The following CLSTN2 variants were observed in gnomAD, a reference collection of about 807,000 sequenced individuals.
CLSTN2 encodes calsyntenin-2.
A neutral mutation model predicts 101.2 loss-of-function variants in CLSTN2; 48 were observed. The ratio of observed to expected loss-of-function variants is 0.47; its 90% CI spans 0.38 to 0.60. The LOEUF is 0.60. Ranked by LOEUF, CLSTN2 falls within the 20% of genes least tolerant of loss-of-function variation. The pLI is 0.00. For synonymous variants in CLSTN2, 481 were observed against 463.6 expected (o/e 1.04, Z -0.48); for missense variants, 1,160 against 1,238.2 (o/e 0.94, Z 0.95).
At chr3:140,073,649 A>G (rs2008434557) in intron 1 of CLSTN2, among the ~76,000 whole-genome samples, 1 of 152,230 alleles carries the variant, frequency 6.6e-6, no homozygotes. Context: ...TGGGGCAGGT[A>G]CACCAGAGCT....
intron 4 of CLSTN2, among the ~76,000 whole-genome samples, chr3:140,410,182 G>A (rs575615328): frequency 6.6e-6 from 1 of 151,994 alleles, no homozygotes; most frequent in South Asian, 2.1e-4. Context: ...TGGACATCTA[G>A]GTACATGAAA....
In CLSTN2 at chr3:140,300,006, G is replaced by A. The variant is rs186401017; in HGVS notation, c.233-103623G>A. Among the ~76,000 whole-genome samples, 380 of 152,256 alleles carry A rather than the reference G, an allele frequency of 2.5e-3. 2 individuals are homozygous for A. The highest frequency in any genetic ancestry group is 8.8e-3 in the African/African-American group (366 of 41,570). Reference sequence around the variant, plus strand: ...CCTTTTGATGAAAAGAATAACTTCCGAATTGTGAACAAGCTGAAAATGTTT... The same window carrying A: ...CCTTTTGATGAAAAGAATAACTTCCAAATTGTGAACAAGCTGAAAATGTTT... On this transcript the variant is annotated intron_variant, in intron 2 of 16. Coordinates refer to ENST00000458420, the MANE Select transcript of CLSTN2 (RefSeq NM_022131.3).
chr3:139,956,690 A>C (rs781322977), intron 1 of CLSTN2, among the ~76,000 whole-genome samples: 20 of 152,234 alleles, frequency 1.3e-4, no homozygotes, highest in Non-Finnish European at 2.1e-4. Context: ...CTGACAGGTT[A>C]AAGCTATTGG....
intron 1 of CLSTN2, among the ~76,000 whole-genome samples, chr3:140,010,930 T>C (rs1465981367): frequency 6.6e-6 from 1 of 152,194 alleles, no homozygotes; most frequent in African/African-American, 2.4e-5. Flanking sequence ...TCCCTTTGTC[T>C]TTGTGCTTCA....
chr3:140,300,941 A>C (rs989079668), intron 2 of CLSTN2, among the ~76,000 whole-genome samples: 5 of 152,176 alleles, frequency 3.3e-5, no homozygotes, highest in African/African-American at 9.7e-5. Context: ...ATCCAAGTCC[A>C]AAGGCCTGCA....
intron 4 of CLSTN2, among the ~76,000 whole-genome samples, chr3:140,417,020 G>T (rs2088439271): frequency 1.3e-5 from 2 of 152,182 alleles, no homozygotes; most frequent in Admixed American, 1.3e-4. Context: ...AATTTGGAAA[G>T]CACAGAGAAG....
At chr3:140,342,445 G>A (rs946147372) in intron 2 of CLSTN2, among the ~76,000 whole-genome samples, 2 of 151,902 alleles carry the variant, frequency 1.3e-5, no homozygotes, top group African/African-American at 4.8e-5. Flanking sequence ...ATATGCTTTT[G>A]TTTCTGCTTG....
At chr3:140,090,082 G>A (rs1249542391) in intron 1 of CLSTN2, among the ~76,000 whole-genome samples, 1 of 145,080 alleles carries the variant, frequency 6.9e-6, no homozygotes, top group African/African-American at 2.5e-5. Flanking sequence ...AGAAATTTAT[G>A]GTGGAGCTGG....
At chr3:140,469,872 G>A (rs868526733) in intron 8 of CLSTN2, among the ~76,000 whole-genome samples, 1 of 152,044 alleles carries the variant, frequency 6.6e-6, no homozygotes, top group Non-Finnish European at 1.5e-5. Context: ...AAAACCTCCG[G>A]GTGATTAATT....
Position 140,351,792 on chromosome 3 carries a change from G to T in CLSTN2, c.233-51837G>T, listed in dbSNP as rs199504878. ...AAAACTTATATTCAGGTTTTGTTTT[G>T]TTTTTTTTTTTTCTTAATAGGCTTA... On this transcript the variant is annotated intron_variant, in intron 2 of 16. Coordinates refer to ENST00000458420, the MANE Select transcript of CLSTN2 (RefSeq NM_022131.3). Among the ~76,000 whole-genome samples, 125 of 147,068 alleles carry T rather than the reference G, an allele frequency of 8.5e-4. 2 individuals are homozygous for T. Among genetic ancestry groups the T allele is most frequent in the African/African-American group, 1.6e-3 (66 of 40,312 alleles).
At chr3:140,277,574 T>C (rs993564020) in intron 2 of CLSTN2, among the ~76,000 whole-genome samples, 2 of 152,222 alleles carry the variant, frequency 1.3e-5, no homozygotes, top group African/African-American at 4.8e-5. Context: ...TCTGTTGTAA[T>C]TAAGAGAACT....
At position 140,240,174 on chromosome 3, in the gene CLSTN2, C is replaced by CTCTCTCTCTCTA. The variant is rs1311225528; in HGVS notation, c.232+64102_232+64103insCTCTCTCTCTAT. On this transcript the variant is annotated intron_variant, in intron 2 of 16. Transcript: ENST00000458420. ...TCTGTCTCTCTCTCTCTCTCTCTCT[C>CTCTCTCTCTCTA]TATATATATATATATATATATATAT... is the stretch of plus-strand genomic sequence containing the variant. Among the ~76,000 whole-genome samples the CTCTCTCTCTCTA allele has an allele frequency of 1.6e-3, 21 of 13,332 alleles. 1 individual carries two copies. The highest frequency in any genetic ancestry group is 2.8e-3 in the Non-Finnish European group (8 of 2,808). 8.7% of individuals were successfully genotyped at this position (13,332 alleles called of 152,430 possible).
At chr3:140,209,806 G>A (rs2010833413) in intron 2 of CLSTN2, among the ~76,000 whole-genome samples, 1 of 152,156 alleles carries the variant, frequency 6.6e-6, no homozygotes, top group African/African-American at 2.4e-5. Flanking sequence ...ATTCAGTTCA[G>A]GTGGTGACAG....
At position 140,072,595 on chromosome 3, in the gene CLSTN2, G is replaced by A. The variant is rs182893936; in HGVS notation, c.110-103356G>A. On this transcript the variant is annotated intron_variant, in intron 1 of 16. Coordinates refer to ENST00000458420, the MANE Select transcript of CLSTN2 (RefSeq NM_022131.3). ...TTTAGTCTAATAATACTAATGAAGG[G>A]AAGGCCTGTTTACAAAAATAAGCTT... Among the ~76,000 whole-genome samples the A allele has an allele frequency of 7.0e-4, 106 of 152,264 alleles. 1 individual carries two copies. Among genetic ancestry groups the A allele is most frequent in the Admixed American group, 1.4e-3 (21 of 15,294 alleles).
chr3:139,936,535 G>A (rs1347177111), intron 1 of CLSTN2, among the ~76,000 whole-genome samples: 1 of 152,212 alleles, frequency 6.6e-6, no homozygotes, highest in Non-Finnish European at 1.5e-5. Flanking sequence ...ATCCTGCCTG[G>A]CAATCATCAG....
intron 16 of CLSTN2, 43 bp from the exon 17 acceptor site, chr3:140,566,010 T>C (rs1477900135): frequency 2.5e-6 from 4 of 1,612,220 alleles, no homozygotes; most frequent in Non-Finnish European, 3.4e-6. Context: ...ATGGCCTCTG[T>C]TCAGCCCCTG....
At chr3:140,539,643 T>A (rs1289672905) in intron 9 of CLSTN2, among the ~76,000 whole-genome samples, 1 of 152,202 alleles carries the variant, frequency 6.6e-6, no homozygotes, top group African/African-American at 2.4e-5. Flanking sequence ...TTGCTCTCTA[T>A]CACTGACTGC....
At position 140,148,263 on chromosome 3, in the gene CLSTN2, G is replaced by T. The variant is rs142080759; in HGVS notation, c.110-27688G>T. Among the ~76,000 whole-genome samples the T allele has an allele frequency of 1.2e-3, 178 of 152,322 alleles. 1 individual carries two copies. The highest frequency in any genetic ancestry group is 3.8e-3 in the African/African-American group (159 of 41,578). On this transcript the variant is annotated intron_variant, in intron 1 of 16. Coordinates refer to ENST00000458420, the MANE Select transcript of CLSTN2 (RefSeq NM_022131.3). Reference sequence around the variant, plus strand: ...TAAAAACATTGAGTGCTGTCATCAGGCACCAAGGAGAGCTCAGAGAACTCT... The same window carrying T: ...TAAAAACATTGAGTGCTGTCATCAGTCACCAAGGAGAGCTCAGAGAACTCT...
chr3:140,338,111 T>C (rs1365738133), intron 2 of CLSTN2, among the ~76,000 whole-genome samples: 2 of 152,124 alleles, frequency 1.3e-5, no homozygotes, highest in African/African-American at 4.8e-5. Context: ...AATCTGAAGT[T>C]TAAGAGCACT....
Sources: gnomAD v4.1 joint callset for allele counts (sites outside exome capture counted in the v4.1 genomes callset) on GRCh38, gnomAD v4.1.1 for gene constraint, MANE v1.5 for transcripts, NCBI Gene and HGNC (gene_info 2026-07-23, HGNC 2026-07-21) for gene names.